Variants in CELSR3 observed in about 807,000 individuals in gnomAD.
CELSR3 encodes EGF-like protein 1.
CELSR3 carries 73 observed loss-of-function variants against 270.0 expected under a neutral mutation model. That is an observed-to-expected ratio of 0.27 (90% CI 0.22 to 0.33). The LOEUF (loss-of-function observed/expected upper bound fraction) is 0.33. Among genes scored for constraint, CELSR3 ranks in the 10% least tolerant of loss-of-function variants. The probability of loss-of-function intolerance (pLI) is 1.00; values close to 1 mark genes in which losing one functional copy is unlikely to be tolerated. For synonymous variants in CELSR3, 1,780 were observed against 1,905.4 expected (o/e 0.93, Z 1.71); for missense variants, 3,614 against 4,533.8 (o/e 0.80, Z 5.83).
rs1224287295 is a variant in CELSR3 at position 48,651,591 on chromosome 3, G to A, written c.6051C>T (p.His2017=). The A allele has an allele frequency of 1.3e-6, 2 of 1,575,936 alleles. No individual in the cohort carries two copies. The highest frequency in any genetic ancestry group is 1.2e-5 in the South Asian group (1 of 85,678). The change falls in exon 13 of 35, where the codon CAC becomes CAT. Residue 2017 remains histidine (H), a synonymous_variant. Coordinates refer to ENST00000164024, the MANE Select transcript of CELSR3 (RefSeq NM_001407.3). The surrounding 1 kb of genome is among the most constrained non-coding windows in gnomAD (Gnocchi z 7.4). ...CAGCCTCTTACCTGTGCTCACAGTG[G>A]TGCCCGAAATAGCCACCCACACAGT... ...TCDCVGGYFG[H]HCEHRMDQQC...
At position 48,640,626 on chromosome 3, in the gene CELSR3, G is replaced by C. The variant is rs1185582454; in HGVS notation, c.9026-67C>G. 6.9e-7 allele frequency: 1 copy of C among 1,448,746 alleles called. No individual in the cohort carries two copies. The highest frequency in any genetic ancestry group is 1.4e-5 in the African/African-American group (1 of 70,304). 89.7% of individuals were successfully genotyped at this position (1,448,746 alleles called of 1,614,324 possible). On this transcript the variant is annotated intron_variant, in intron 33 of 34. Coordinates refer to ENST00000164024, the MANE Select transcript of CELSR3 (RefSeq NM_001407.3). This position sits in a 1 kb window ranked among gnomAD's most constrained non-coding sequence, Gnocchi z 7.5. ...GGGGAGGGCAGGCAGGAATTGCTGA[G>C]TCTAGGGGTGTGGCAGCCCTTGGGA...
chr3:48,652,205 T>C lies in CELSR3; in HGVS notation c.5752-157A>G, dbSNP rs2047143743. On this transcript the variant is annotated intron_variant, in intron 11 of 34. Coordinates refer to ENST00000164024, the MANE Select transcript of CELSR3 (RefSeq NM_001407.3). This position sits in a 1 kb window ranked among gnomAD's most constrained non-coding sequence, Gnocchi z 4.3. ...AAAAATATCCCCAATTTGGTACCCC[T>C]GTGGGACCCTAATTGTGCTGTTTCT... Among the ~76,000 whole-genome samples the C allele has an allele frequency of 6.6e-6, 1 of 152,212 alleles. No individual in the cohort carries two copies. Among genetic ancestry groups the C allele is most frequent in the Admixed American group, 6.5e-5 (1 of 15,286 alleles).
intron 20 of CELSR3, 114 bp from the exon 21 acceptor site, chr3:48,647,042 G>C (rs1434073426): frequency 1.0e-6 from 1 of 978,298 alleles, no homozygotes; most frequent in African/African-American, 1.7e-5. Flanking sequence ...AGCAGAATTG[G>C]GGAGTGCAGG....
chr3:48,648,290 T>A lies in CELSR3; in HGVS notation c.6949A>T (p.Met2317Leu). 7.6e-7 allele frequency: 1 copy of A among 1,321,596 alleles called. No homozygotes were observed. The highest frequency in any genetic ancestry group is 4.3e-5 in the East Asian group (1 of 23,186). 81.9% of individuals were successfully genotyped at this position (1,321,596 alleles called of 1,614,324 possible). A position where few individuals can be genotyped will look rare whatever the true frequency, so the allele number is the denominator to read the frequency against. Reference protein sequence around the residue: ...RNMELTYLNPMGLVTPNIMLS... With the variant: ...RNMELTYLNPLGLVTPNIMLS... ...CTGATATTAGGCGTCACCAGCCCCA[T>A]GGGATTCAGGTATGTGAGTTCCATA... The change falls in exon 19 of 35, where the codon ATG becomes TTG. Residue 2317 changes from methionine to leucine, a missense_variant. Physicochemically the swap from Met to Leu is conservative, Grantham distance 15. This residue lies in a region of CELSR3 where 1,240 missense variants were observed against 1,351.7 expected (regional missense o/e 0.92). Transcript: ENST00000164024.
In CELSR3 at chr3:48,658,486, G is replaced by T. The variant is rs2077040614; in HGVS notation, c.3748+401C>A. Among the ~76,000 whole-genome samples, 1 of 152,300 alleles carries T rather than the reference G, an allele frequency of 6.6e-6. No individual in the cohort carries two copies. Among genetic ancestry groups the T allele is most frequent in the East Asian group, 1.9e-4 (1 of 5,192 alleles). On this transcript the variant is annotated intron_variant, in intron 1 of 34. Coordinates refer to ENST00000164024, the MANE Select transcript of CELSR3 (RefSeq NM_001407.3). This position sits in a 1 kb window ranked among gnomAD's most constrained non-coding sequence, Gnocchi z 4.7. Reference sequence around the variant, plus strand: ...ATTGGTCATTTCCTGCACAGATAGGGTAAGCGTCAGACTGGACCCAAAGTA... The same window carrying T: ...ATTGGTCATTTCCTGCACAGATAGGTTAAGCGTCAGACTGGACCCAAAGTA...
chr3:48,657,453 T>A lies in CELSR3; in HGVS notation c.3749-105A>T. The A allele has an allele frequency of 8.0e-7, 1 of 1,250,378 alleles. No individual in the cohort carries two copies. Among genetic ancestry groups the A allele is most frequent in the Non-Finnish European group, 1.1e-6 (1 of 930,584 alleles). The allele number at this position is 1,250,378 out of a possible 1,614,324, so 77.5% of individuals were successfully genotyped here. A position where few individuals can be genotyped will look rare whatever the true frequency, so the allele number is the denominator to read the frequency against. ...CGATAGCCTAGGCCCCCAGAACCTCTAAGTCAGCAGGCTGACCCCACCAGG... is the reference window on the plus strand; with the variant it reads ...CGATAGCCTAGGCCCCCAGAACCTCAAAGTCAGCAGGCTGACCCCACCAGG... On this transcript the variant is annotated intron_variant, in intron 1 of 34. Coordinates refer to ENST00000164024, the MANE Select transcript of CELSR3 (RefSeq NM_001407.3). The surrounding 1 kb of genome is among the most constrained non-coding windows in gnomAD (Gnocchi z 5.4).
intron 2 of CELSR3, 146 bp downstream of exon 2, chr3:48,656,552 T>C: frequency 8.0e-7 from 1 of 1,244,952 alleles, no homozygotes; most frequent in East Asian, 2.8e-5. Context: ...GGCGGCCCCT[T>C]CCGGCCACGC....
Position 48,648,359 on chromosome 3 carries a change from G to A in CELSR3, c.6880C>T (p.Leu2294=). The stretch of plus-strand genomic sequence containing the variant: ...GCATACTCCTCCAGGTGCCTCACCA[G>A]TCCCGCGCTGCCTGGGGAGCCCCCA... ...APGGSPGSAG[L]VRHLEEYAAT... Residue 2294 remains leucine, a synonymous_variant, in exon 19 of 35, where the codon CTG becomes TTG. Transcript: ENST00000164024. 1 of 1,612,030 alleles carries A rather than the reference G, an allele frequency of 6.2e-7. No individual in the cohort carries two copies. The highest frequency in any genetic ancestry group is 8.5e-7 in the Non-Finnish European group (1 of 1,179,680).
rs761047558 is a variant in CELSR3 at position 48,644,171 on chromosome 3, A to G, written c.8165+45T>C. The G allele has an allele frequency of 2.6e-5, 41 of 1,553,998 alleles. 1 individual carries two copies. The South Asian group carries it at 4.5e-4, about 17-fold the overall frequency. On this transcript the variant is annotated intron_variant, in intron 27 of 34. Coordinates refer to ENST00000164024, the MANE Select transcript of CELSR3 (RefSeq NM_001407.3). The surrounding 1 kb of genome is among the most constrained non-coding windows in gnomAD (Gnocchi z 4.8). ...GGGCCCCAGACCCCACCCAGGAGGG[A>G]CCTGCCATCCTGAGAAGCCCCCTTC... is the stretch of plus-strand genomic sequence containing the variant.
At position 48,637,986 on chromosome 3, in the gene CELSR3, C is replaced by A; in HGVS notation, c.*219G>T. ...TCTCTCTGGTTACAAAGGTACAAAA[C>A]GTATAAAAGTCTCCCTCCAGTCCCC... On this transcript the variant is annotated 3_prime_UTR_variant, in exon 35 of 35. Coordinates refer to ENST00000164024, the MANE Select transcript of CELSR3 (RefSeq NM_001407.3). 4 of 474,652 alleles carry A rather than the reference C, an allele frequency of 8.4e-6. No homozygotes were observed. The highest frequency in any genetic ancestry group is 6.6e-5 in the South Asian group (2 of 30,268). The allele number at this position is 474,652 out of a possible 1,614,324, so 29.4% of individuals were successfully genotyped here.
chr3:48,655,751 G>A lies in CELSR3; in HGVS notation c.4726C>T (p.Leu1576Phe). The A allele has an allele frequency of 1.2e-6, 2 of 1,613,592 alleles. No individual in the cohort carries two copies. Among genetic ancestry groups the A allele is most frequent in the Non-Finnish European group, 1.7e-6 (2 of 1,179,860 alleles). The change falls in exon 4 of 35, where the codon CTC (leucine) becomes TTC (phenylalanine). Residue 1576 changes from leucine (L) to phenylalanine (F), a missense_variant. Physicochemically the swap from Leu to Phe is conservative, Grantham distance 22 (BLOSUM62 0). Coordinates refer to ENST00000164024, the MANE Select transcript of CELSR3 (RefSeq NM_001407.3). The surrounding 1 kb of genome is among the most constrained non-coding windows in gnomAD (Gnocchi z 5.8). Reference protein sequence around the residue: ...ALELVAGQVRLTYSTGESNTV... With the variant: ...ALELVAGQVRFTYSTGESNTV... ...GGGCACCCACCCGTGGAATATGTGAGCCGCACTTGGCCAGCCACGAGTTCC... is the reference window on the plus strand; with the variant it reads ...GGGCACCCACCCGTGGAATATGTGAACCGCACTTGGCCAGCCACGAGTTCC...
chr3:48,650,664 C>CA lies in CELSR3; in HGVS notation c.6371-84dup. 1 of 1,194,250 alleles carries CA rather than the reference C, an allele frequency of 8.4e-7. No individual in the cohort carries two copies. Among genetic ancestry groups the CA allele is most frequent in the South Asian group, 1.4e-5 (1 of 69,660 alleles). The allele number at this position is 1,194,250 out of a possible 1,614,324, so 74.0% of individuals were successfully genotyped here. A position where few individuals can be genotyped will look rare whatever the true frequency, so the allele number is the denominator to read the frequency against. ...CACCCACTGCCCCTCCACCACCCCC[C>CA]ACAAGGCCCACTGCCCGCCACTCCT... is the stretch of plus-strand genomic sequence containing the variant. On this transcript the variant is annotated intron_variant, in intron 15 of 34. Transcript: ENST00000164024. The surrounding 1 kb of genome is among the most constrained non-coding windows in gnomAD (Gnocchi z 5.1).
Position 48,638,206 on chromosome 3 carries a change from C to CA in CELSR3, c.9937dup (p.Ter3313LeufsTer4). 1.9e-6 allele frequency: 3 copies of CA among 1,612,806 alleles called. No homozygotes were observed. In the East Asian group the frequency reaches 6.7e-5, roughly 36 times the overall value. Reference sequence around the variant, plus strand: ...TTCCTCGTCCACGCCGTCATCCCCTCAGGAGTGACCCTCACTTCTGGGAAC... The same window carrying CA: ...TTCCTCGTCCACGCCGTCATCCCCTCAAGGAGTGACCCTCACTTCTGGGAAC... On this transcript the variant is annotated frameshift_variant and stop_lost, in exon 35 of 35. Coordinates refer to ENST00000164024, the MANE Select transcript of CELSR3 (RefSeq NM_001407.3). LOFTEE classifies it high-confidence loss of function.
Position 48,642,063 on chromosome 3 carries a change from G to A in CELSR3, c.8666-54C>T. The A allele has an allele frequency of 6.7e-7, 1 of 1,484,486 alleles. No homozygotes were observed. Among genetic ancestry groups the A allele is most frequent in the Non-Finnish European group, 9.0e-7 (1 of 1,113,024 alleles). The allele number at this position is 1,484,486 out of a possible 1,614,324, so 92.0% of individuals were successfully genotyped here. On this transcript the variant is annotated intron_variant, in intron 31 of 34. Coordinates refer to ENST00000164024, the MANE Select transcript of CELSR3 (RefSeq NM_001407.3). This position sits in a 1 kb window ranked among gnomAD's most constrained non-coding sequence, Gnocchi z 6.1. Reference sequence around the variant, plus strand: ...CAGAGGTAAGGGACTTGGAGATAAGGGAATTTGGAGTTGAGGGTCTAGAGG... The same window carrying A: ...CAGAGGTAAGGGACTTGGAGATAAGAGAATTTGGAGTTGAGGGTCTAGAGG...
In CELSR3 at chr3:48,643,029, A is replaced by G; in HGVS notation, c.8344T>C (p.Trp2782Arg). The change falls in exon 29 of 35, where the codon TGG (tryptophan) becomes CGG (arginine). Residue 2782 changes from tryptophan (W) to arginine (R), a missense_variant. This residue lies in a region of CELSR3 where 1,240 missense variants were observed against 1,351.7 expected (regional missense o/e 0.92). Transcript: ENST00000164024. ...TTCCTGCCCAGACAGGCTGGCATCC[A>G]GGCAGCCCGAGCATCTGCATTTAGG... ...CVLNADARAA[W>R]MPACLGRKAA... 3.1e-6 allele frequency: 5 copies of G among 1,612,850 alleles called. No individual in the cohort carries two copies. The highest frequency in any genetic ancestry group is 4.2e-6 in the Non-Finnish European group (5 of 1,179,920).
rs2047027676 is a variant in CELSR3, at chr3:48,641,651, C to T, written c.8825-127G>A. The T allele has an allele frequency of 3.6e-6, 3 of 836,654 alleles. No homozygotes were observed. Among genetic ancestry groups the T allele is most frequent in the African/African-American group, 1.7e-5 (1 of 58,302 alleles). The allele number at this position is 836,654 out of a possible 1,614,324, so 51.8% of individuals were successfully genotyped here. Reference sequence around the variant, plus strand: ...AGAGGTGGGAACAGGAGGGTATCTCCTCAGAGATCAATGGGTGGGGGTGAC... The same window carrying T: ...AGAGGTGGGAACAGGAGGGTATCTCTTCAGAGATCAATGGGTGGGGGTGAC... On this transcript the variant is annotated intron_variant, in intron 32 of 34. Coordinates refer to ENST00000164024, the MANE Select transcript of CELSR3 (RefSeq NM_001407.3). The surrounding 1 kb of genome is among the most constrained non-coding windows in gnomAD (Gnocchi z 4.8).
rs761619402 is a variant in CELSR3, at chr3:48,661,319, C to G, written c.1316G>C (p.Arg439Pro). 6.2e-6 allele frequency: 10 copies of G among 1,613,270 alleles called. No individual in the cohort carries two copies. The East Asian group carries it at 2.0e-4, about 32-fold the overall frequency. ...CTCCACATTCTCGCGAAGGGTCTCC[C>G]GGTACTGCGCTTGCTCAAAAACCGG... is the stretch of plus-strand genomic sequence containing the variant. Reference protein sequence around the residue: ...HSPVFEQAQYRETLRENVEEG... With the variant: ...HSPVFEQAQYPETLRENVEEG... Residue 439 changes from arginine (R) to proline (P), a missense_variant, in exon 1 of 35, where the codon CGG becomes CCG. Arg to Pro is a moderately radical substitution (Grantham distance 103). This residue lies in a region of CELSR3 where 354 missense variants were observed against 500.9 expected (regional missense o/e 0.71). Transcript: ENST00000164024.
At position 48,644,692 on chromosome 3, in the gene CELSR3, G is replaced by A. The variant is rs1399073111; in HGVS notation, c.8085+24C>T. ...CCAATGAGGGAGGGAAGTACAGAGG[G>A]GGCACCAAGTCCAGGGCACTCACCA... On this transcript the variant is annotated intron_variant, in intron 26 of 34. Coordinates refer to ENST00000164024, the MANE Select transcript of CELSR3 (RefSeq NM_001407.3). The surrounding 1 kb of genome is among the most constrained non-coding windows in gnomAD (Gnocchi z 4.8). The A allele has an allele frequency of 6.4e-7, 1 of 1,574,490 alleles. No homozygotes were observed. Among genetic ancestry groups the A allele is most frequent in the South Asian group, 1.1e-5 (1 of 90,198 alleles).
In CELSR3 at chr3:48,640,101, T is replaced by C. The variant is rs769367698; in HGVS notation, c.9484A>G (p.Thr3162Ala). Residue 3162 changes from threonine to alanine, a missense_variant, in exon 34 of 35, where the codon ACC (threonine) becomes GCC (alanine). Thr to Ala is a moderately conservative substitution (Grantham distance 58). This residue lies in a region of CELSR3 where 1,240 missense variants were observed against 1,351.7 expected (regional missense o/e 0.92). Transcript: ENST00000164024. This position sits in a 1 kb window ranked among gnomAD's most constrained non-coding sequence, Gnocchi z 7.5. ...GGGGGCTGTGGGTCAAGGTCCCGGG[T>C]GCGGCGGGGCGGAGGCAGCGTGCTC... ...WLSTLPPPRR[T>A]RDLDPQPPPL... 2 of 1,610,994 alleles carry C rather than the reference T, an allele frequency of 1.2e-6. No individual in the cohort carries two copies. The highest frequency in any genetic ancestry group is 3.3e-5 in the Admixed American group (2 of 59,952).
Sources: gnomAD v4.1 joint callset for allele counts (sites outside exome capture counted in the v4.1 genomes callset) on GRCh38, gnomAD v4.1.1 for gene constraint, gnomAD v4.1.1 regional missense constraint, Gnocchi (gnomAD v3.1) non-coding constraint, MANE v1.5 for transcripts, NCBI Gene and HGNC (gene_info 2026-07-23, HGNC 2026-07-21) for gene names.